Variants in DMD observed in about 807,000 individuals in gnomAD.
DMD encodes the protein mutant dystrophin.
In DMD, 63 loss-of-function variants were observed where a neutral mutation model predicts 330.1. That is an observed-to-expected ratio of 0.19 (90% confidence interval 0.16 to 0.24). The LOEUF (loss-of-function observed/expected upper bound fraction) is 0.24. Ranked by LOEUF, DMD falls within the 10% of genes least tolerant of loss-of-function variation. The pLI, the probability that DMD is intolerant of heterozygous loss-of-function variation, is 1.00. For synonymous variants in DMD, 1,223 were observed against 959.8 expected (o/e 1.27, Z -5.07); for missense variants, 3,344 against 2,684.1 (o/e 1.25, Z -5.43).
chrX:31,875,204 C>A lies in DMD; in HGVS notation c.7082G>T (p.Gly2361Val). ...LEIYNQPNQE[G>V]PFDVKETEIA... ...GTTCCCTACCTTAACGTCAAATGGT[C>A]CTTCTTGGTTTGGTTGGTTATAAAT... The change falls in exon 48 of 79, where the codon GGA (glycine) becomes GTA (valine). Residue 2361 changes from glycine to valine, a missense_variant. Transcript: ENST00000357033. The A allele has an allele frequency of 1.7e-6, 2 of 1,205,613 alleles. No homozygotes were observed. The highest frequency in any genetic ancestry group is 2.2e-6 in the Non-Finnish European group (2 of 892,453).
At chrX:32,029,154 T>C (rs150231659) in intron 44 of DMD, among the ~76,000 whole-genome samples, 188 of 111,568 alleles carry the variant, frequency 1.7e-3, no homozygotes, top group African/African-American at 5.8e-3. Flanking sequence ...CCAGCTCTGC[T>C]GGTTCTTTCC....
intron 47 of DMD, among the ~76,000 whole-genome samples, chrX:31,892,300 TA>T (rs1369046967): frequency 8.9e-6 from 1 of 111,753 alleles, no homozygotes; most frequent in Non-Finnish European, 1.9e-5. Context: ...ATTTTTAAAA[TA>T]CTATTATACC....
intron 75 of DMD, among the ~76,000 whole-genome samples, chrX:31,146,810 C>A (rs1281660208): frequency 9.0e-6 from 1 of 111,285 alleles, no homozygotes; most frequent in Non-Finnish European, 1.9e-5. Context: ...TTTAAAATTC[C>A]CAGAAAGCCA....
chrX:32,383,368 T>G (rs1369732654), intron 33 of DMD, among the ~76,000 whole-genome samples: 1 of 111,430 alleles, frequency 9.0e-6, no homozygotes, highest in Admixed American at 9.5e-5. Context: ...ATTCTGAAGA[T>G]GGTTAAAATA....
chrX:32,736,015 C>T (rs940535553), intron 7 of DMD, among the ~76,000 whole-genome samples: 2 of 111,538 alleles, frequency 1.8e-5, no homozygotes, highest in African/African-American at 6.5e-5. Flanking sequence ...GCAACCTACT[C>T]ATCTGACAAA....
intron 43 of DMD, among the ~76,000 whole-genome samples, chrX:32,279,987 T>TATATATATGTACCCCACAC: frequency 1.1e-5 from 1 of 95,012 alleles, no homozygotes; most frequent in Middle Eastern, 4.9e-3. Context: ...GTACCCCACA[T>TATATATATGTACCCCACAC]ATATATATAT....
intron 2 of DMD, among the ~76,000 whole-genome samples, chrX:32,937,442 G>T (rs887256040): frequency 3.7e-5 from 4 of 107,020 alleles, no homozygotes; most frequent in Admixed American, 2.1e-4. Context: ...AATGAAAAAT[G>T]GATTTGAAAG....
intron 54 of DMD, among the ~76,000 whole-genome samples, chrX:31,654,076 A>T (rs2080628493): frequency 8.9e-6 from 1 of 112,353 alleles, no homozygotes; most frequent in African/African-American, 3.2e-5. Flanking sequence ...TGTATTAATA[A>T]ACTTAAACAG....
At chrX:32,924,088 C>T (rs2088726720) in intron 2 of DMD, among the ~76,000 whole-genome samples, 1 of 111,748 alleles carries the variant, frequency 8.9e-6, no homozygotes, top group African/African-American at 3.3e-5. Flanking sequence ...GAAGTCCTTG[C>T]TTTCTTTTGC....
chrX:32,634,828 G>A (rs1325527829), intron 11 of DMD, among the ~76,000 whole-genome samples: 1 of 112,059 alleles, frequency 8.9e-6, no homozygotes, highest in Non-Finnish European at 1.9e-5. Context: ...AGCACAAGCA[G>A]TCCCTTAGCT....
chrX:32,731,873 A>G (rs768496843), intron 7 of DMD, among the ~76,000 whole-genome samples: 2 of 112,366 alleles, frequency 1.8e-5, no homozygotes, highest in Non-Finnish European at 3.8e-5. Context: ...CTCCAAAGGA[A>G]CACAGTTCCT....
At chrX:31,433,025 T>C (rs1387726941) in intron 60 of DMD, among the ~76,000 whole-genome samples, 1 of 111,794 alleles carries the variant, frequency 8.9e-6, no homozygotes, top group Non-Finnish European at 1.9e-5. Flanking sequence ...TAGTACTCGA[T>C]AGGTAGTTTT....
intron 1 of DMD, among the ~76,000 whole-genome samples, chrX:33,160,755 A>G (rs754073941): frequency 1.5e-3 from 170 of 111,649 alleles, no homozygotes; most frequent in African/African-American, 5.4e-3. Flanking sequence ...TCACGTGTTT[A>G]CTATCTCTAA....
rs757604391 is a variant in DMD, at chrX:33,211,337, C to T, written c.-25G>A. The T allele has an allele frequency of 5.8e-6, 7 of 1,204,919 alleles. No homozygotes were observed. The highest frequency in any genetic ancestry group is 7.9e-6 in the Non-Finnish European group (7 of 891,684). ...TTTTGAAAAGTGTATATCAAGGCAG[C>T]GATAAAAAAAACCTGGTAAAAGTTC... On this transcript the variant is annotated 5_prime_UTR_variant, in exon 1 of 79. Coordinates refer to ENST00000357033, the MANE Select transcript of DMD (RefSeq NM_004006.3).
intron 1 of DMD, among the ~76,000 whole-genome samples, chrX:33,186,086 G>A (rs888702176): frequency 9.0e-6 from 1 of 111,580 alleles, no homozygotes; most frequent in Non-Finnish European, 1.9e-5. Context: ...GTGCCATAGA[G>A]CACTCTTGGG....
chrX:32,355,537 C>T (rs775873995), intron 37 of DMD, among the ~76,000 whole-genome samples: 2 of 111,891 alleles, frequency 1.8e-5, no homozygotes, highest in East Asian at 2.8e-4. Flanking sequence ...TCAAATGACA[C>T]TGCTCACCAA....
At chrX:31,556,925 G>A (rs1378260989) in intron 55 of DMD, among the ~76,000 whole-genome samples, 3 of 111,878 alleles carry the variant, frequency 2.7e-5, no homozygotes, top group Non-Finnish European at 5.6e-5. Flanking sequence ...ATTTAAGTTT[G>A]TTGGGATTTA....
chrX:33,314,841 G>A (rs1019434766), intron 1 of DMD, among the ~76,000 whole-genome samples: 3 of 108,601 alleles, frequency 2.8e-5, no homozygotes, highest in East Asian at 2.9e-4. Flanking sequence ...TTTTTGATAC[G>A]GAGTTTCACT....
At chrX:33,108,379 G>A (rs1312625972) in intron 1 of DMD, among the ~76,000 whole-genome samples, 1 of 110,511 alleles carries the variant, frequency 9.0e-6, no homozygotes, top group Non-Finnish European at 1.9e-5. Context: ...GGATTCTTTT[G>A]CCTCAGCACC....
Sources: allele counts gnomAD v4.1 joint callset (sites outside exome capture counted in the v4.1 genomes callset), GRCh38; gene constraint gnomAD v4.1.1; transcripts MANE v1.5; gene names NCBI Gene and HGNC (gene_info 2026-07-23, HGNC 2026-07-21).